TMEM131: variants seen among roughly 807,000 people sequenced by gnomAD.
TMEM131 encodes transmembrane protein 131, also known as 2610524E03Rik.
A neutral mutation model predicts 211.6 loss-of-function variants in TMEM131; 66 were observed. That is an observed-to-expected ratio of 0.31 (90% CI 0.26 to 0.38). The LOEUF is 0.38. Ranked by LOEUF, TMEM131 falls within the 10% of genes least tolerant of loss-of-function variation. The probability of loss-of-function intolerance (pLI) is 1.00; values close to 1 mark genes in which losing one functional copy is unlikely to be tolerated. For synonymous variants in TMEM131, 844 were observed against 841.3 expected, an observed-to-expected ratio of 1.00 and a Z score of -0.06; for missense variants, 2,036 against 2,299.3, an observed-to-expected ratio of 0.89 and a Z score of 2.34.
chr2:97,868,930 C>CA (rs1453038491), intron 4 of TMEM131, among the ~76,000 whole-genome samples: 2 of 152,102 alleles, frequency 1.3e-5, no homozygotes, highest in Non-Finnish European at 2.9e-5. Flanking sequence ...GTACAAACCA[C>CA]AAGGGGCCTC....
intron 39 of TMEM131, 155 bp from the exon 40 acceptor site, chr2:97,759,208 A>G (rs1476141864): frequency 1.1e-6 from 1 of 883,824 alleles, no homozygotes; most frequent in East Asian, 2.5e-5. Context: ...AAGTAGGGGC[A>G]GGAGTGTCCT....
At position 97,824,146 on chromosome 2, in the gene TMEM131, A is replaced by G. The variant is rs548269577; in HGVS notation, c.1075-5425T>C. Among the ~76,000 whole-genome samples the G allele has an allele frequency of 8.5e-5, 13 of 152,224 alleles. No homozygotes were observed. The East Asian group carries it at 1.3e-3, about 16-fold the overall frequency. ...AGGACACTTTAAAAAAGATTGTCCAATGAAAAATAAGCCACCCCCTCACCC... is the reference window on the plus strand; with the variant it reads ...AGGACACTTTAAAAAAGATTGTCCAGTGAAAAATAAGCCACCCCCTCACCC... On this transcript the variant is annotated intron_variant, in intron 11 of 40. Coordinates refer to ENST00000186436, the MANE Select transcript of TMEM131 (RefSeq NM_015348.2).
At chr2:97,907,797 C>G (rs1676133504) in intron 3 of TMEM131, among the ~76,000 whole-genome samples, 1 of 152,174 alleles carries the variant, frequency 6.6e-6, no homozygotes, top group South Asian at 2.1e-4. Flanking sequence ...CCTATTGACA[C>G]CACTGCCAGC....
intron 1 of TMEM131, among the ~76,000 whole-genome samples, chr2:97,951,602 G>A (rs774324607): frequency 3.9e-5 from 6 of 152,160 alleles, no homozygotes; most frequent in East Asian, 1.9e-4. Context: ...TGGCCAGAGA[G>A]GACAGGGTTT....
intron 1 of TMEM131, among the ~76,000 whole-genome samples, chr2:97,981,043 A>AAAAAAAAAAAAAAAAAAAAAAAAAAAAAT (rs1679769513): frequency 1.1e-5 from 1 of 94,464 alleles, no homozygotes; most frequent in Admixed American, 1.1e-4. Context: ...AAAAAAAAAA[A>AAAAAAAAAAAAAAAAAAAAAAAAAAAAAT]AAAAAAAAAA....
intron 1 of TMEM131, among the ~76,000 whole-genome samples, chr2:97,940,099 T>C (rs765872889): frequency 8.5e-5 from 13 of 152,204 alleles, no homozygotes; most frequent in Non-Finnish European, 1.8e-4. Flanking sequence ...AGCATTCCCT[T>C]TGAAAACTGG....
chr2:97,901,068 G>A (rs1028304722), intron 3 of TMEM131, among the ~76,000 whole-genome samples: 2 of 152,104 alleles, frequency 1.3e-5, no homozygotes, highest in Non-Finnish European at 2.9e-5. Flanking sequence ...AGCAATTCAA[G>A]TTGTAGGAAT....
chr2:97,834,599 C>CT lies in TMEM131; in HGVS notation c.1012+21dup. 3 of 1,495,336 alleles carry CT rather than the reference C, an allele frequency of 2.0e-6. No individual in the cohort carries two copies. In the South Asian group the frequency reaches 3.9e-5, roughly 20 times the overall value. 92.6% of individuals were successfully genotyped at this position (1,495,336 alleles called of 1,614,324 possible). A position where few individuals can be genotyped will look rare whatever the true frequency, so the allele number is the denominator to read the frequency against. On this transcript the variant is annotated intron_variant, in intron 10 of 40. Coordinates refer to ENST00000186436, the MANE Select transcript of TMEM131 (RefSeq NM_015348.2). The stretch of plus-strand genomic sequence containing the variant: ...AAAAAAAAAAAAAACTCCATAAAGA[C>CT]TCTTTTAAAAGATTTTTTTACCTTG...
chr2:97,861,516 C>T (rs1674067180), intron 4 of TMEM131, among the ~76,000 whole-genome samples: 1 of 151,828 alleles, frequency 6.6e-6, no homozygotes, highest in African/African-American at 2.4e-5. Context: ...CCAGACCTGG[C>T]AGCATTTACC....
Position 97,792,582 on chromosome 2 carries a change from C to G in TMEM131, c.3948G>C (p.Pro1316=). The G allele has an allele frequency of 6.2e-7, 1 of 1,612,778 alleles. No homozygotes were observed. The highest frequency in any genetic ancestry group is 2.2e-5 in the East Asian group (1 of 44,860). ...LPPPVPQPQE[P]QPERLSPAPL... is the part of the protein sequence containing the mutation. ...GGGCGGGAGACAGCCTTTCAGGCTG[C>G]GGCTCCTGGGGCTGAGGCACTGGCG... The change falls in exon 31 of 41, where the codon CCG becomes CCC. Residue 1316 remains proline, a synonymous_variant. Coordinates refer to ENST00000186436, the MANE Select transcript of TMEM131 (RefSeq NM_015348.2).
chr2:97,815,627 G>A (rs116655842), intron 12 of TMEM131, among the ~76,000 whole-genome samples: 4,235 of 152,180 alleles, frequency 0.028, 67 homozygotes, highest in Middle Eastern at 0.065. Context: ...CTCATCCTTG[G>A]CACTGTTAAC....
At chr2:97,964,206 G>C (rs994286749) in intron 1 of TMEM131, among the ~76,000 whole-genome samples, 2 of 152,148 alleles carry the variant, frequency 1.3e-5, no homozygotes, top group African/African-American at 2.4e-5. Flanking sequence ...TAATAAAGGA[G>C]ACCACCACCT....
At chr2:97,802,251 G>A (rs987398186) in intron 24 of TMEM131, among the ~76,000 whole-genome samples, 177 bp downstream of exon 24, 2 of 152,100 alleles carry the variant, frequency 1.3e-5, no homozygotes, top group Non-Finnish European at 2.9e-5. Context: ...AAGTTTTTCT[G>A]GATGCTTTGC....
In TMEM131 at chr2:97,841,909, T is replaced by C. The variant is rs1227974517; in HGVS notation, c.629A>G (p.Tyr210Cys). ...GGCCCCAAGGAACGGCCTCAATCGATATGGATTTGGAACTCCAACACCAAA... is the reference window on the plus strand; with the variant it reads ...GGCCCCAAGGAACGGCCTCAATCGACATGGATTTGGAACTCCAACACCAAA... ...QVFGVGVPNP[Y>C]RLRPFLGARV... The change falls in exon 7 of 41, where the codon TAT (tyrosine) becomes TGT (cysteine). Residue 210 changes from tyrosine to cysteine, a missense_variant. By Grantham distance (194) the Tyr-to-Cys change is radical. Coordinates refer to ENST00000186436, the MANE Select transcript of TMEM131 (RefSeq NM_015348.2). 6.3e-7 allele frequency: 1 copy of C among 1,588,582 alleles called. No homozygotes were observed. The highest frequency in any genetic ancestry group is 8.6e-7 in the Non-Finnish European group (1 of 1,166,068).
At chr2:97,776,730 C>A (rs1020315862) in intron 31 of TMEM131, among the ~76,000 whole-genome samples, 1 of 152,188 alleles carries the variant, frequency 6.6e-6, no homozygotes, top group Admixed American at 6.5e-5. Context: ...CTGATGGTGA[C>A]ATAAACAACG....
At chr2:97,956,967 T>C (rs1306139057) in intron 1 of TMEM131, among the ~76,000 whole-genome samples, 3 of 151,918 alleles carry the variant, frequency 2.0e-5, no homozygotes, top group Non-Finnish European at 2.9e-5. Context: ...TGTGGTGGCA[T>C]GTGCCTGTAG....
At chr2:97,760,717 A>C (rs1402580319) in intron 37 of TMEM131, 28 bp from the exon 38 acceptor site, 2 of 1,613,874 alleles carry the variant, frequency 1.2e-6, no homozygotes, top group African/African-American at 2.7e-5. Flanking sequence ...CAATCAATGG[A>C]AGGCACATTA....
chr2:97,961,278 C>T (rs559566753), intron 1 of TMEM131, among the ~76,000 whole-genome samples: 1 of 151,832 alleles, frequency 6.6e-6, no homozygotes, highest in Non-Finnish European at 1.5e-5. Flanking sequence ...GGAAAAAATA[C>T]AATCGGTTGT....
At position 97,889,555 on chromosome 2, in the gene TMEM131, T is replaced by TTCCTATATATAATA. The variant is rs1675295382; in HGVS notation, c.291-1436_291-1435insTATTATATATAGGA. On this transcript the variant is annotated intron_variant, in intron 3 of 40. Coordinates refer to ENST00000186436, the MANE Select transcript of TMEM131 (RefSeq NM_015348.2). ...GTATGTCATTAATTCCTATATAATA[T>TTCCTATATATAATA]TATATTCCTATATATAATATATATT... 3.4e-5 allele frequency among the ~76,000 whole-genome samples: 5 copies of TTCCTATATATAATA among 149,034 alleles called. No individual in the cohort carries two copies. The Admixed American group carries it at 3.4e-4, about 10-fold the overall frequency.
Sources: allele counts gnomAD v4.1 joint callset (sites outside exome capture counted in the v4.1 genomes callset), GRCh38; gene constraint gnomAD v4.1.1; transcripts MANE v1.5; gene names NCBI Gene and HGNC (gene_info 2026-07-23, HGNC 2026-07-21).